Variants in SSBP2 observed in about 807,000 individuals in gnomAD.
SSBP2 encodes the protein single-stranded DNA-binding protein 2.
SSBP2 carries 17 observed loss-of-function variants against 61.8 expected under a neutral mutation model. The observed-to-expected ratio is 0.28, with a 90% CI of 0.19 to 0.41. SSBP2 has a LOEUF of 0.41. Among genes scored for constraint, SSBP2 ranks in the 10% least tolerant of loss-of-function variants. The pLI is 1.00. For missense variants in SSBP2, 310 were observed against 458.7 expected, an observed-to-expected ratio of 0.68 and a Z score of 2.96; for synonymous variants, 139 against 141.3, an observed-to-expected ratio of 0.98 and a Z score of 0.12.
At chr5:81,470,406 A>G (rs1368292663) in intron 8 of SSBP2, among the ~76,000 whole-genome samples, 1 of 151,812 alleles carries the variant, frequency 6.6e-6, no homozygotes. Flanking sequence ...CCACCACTGT[A>G]TTTAGATTTA....
rs1481873175 is a variant in SSBP2 at position 81,416,685 on chromosome 5, A to G, written c.*3819T>C. ...CTTATTTTCATTTGTTGTCTTTTAA[A>G]CCACAGAAGTGCTAACTGAATAACC... On this transcript the variant is annotated 3_prime_UTR_variant, in exon 17 of 17. Coordinates refer to ENST00000320672, the MANE Select transcript of SSBP2 (RefSeq NM_012446.5). 1 of 152,188 alleles carries G rather than the reference A, an allele frequency of 6.6e-6. No individual in the cohort carries two copies. The highest frequency in any genetic ancestry group is 2.4e-5 in the African/African-American group (1 of 41,450). 9.4% of individuals were successfully genotyped at this position (152,188 alleles called of 1,614,324 possible). A position where few individuals can be genotyped will look rare whatever the true frequency, so the allele number is the denominator to read the frequency against.
chr5:81,561,372 G>C (rs1325320903), intron 4 of SSBP2, among the ~76,000 whole-genome samples: 1 of 152,150 alleles, frequency 6.6e-6, no homozygotes, highest in Non-Finnish European at 1.5e-5. Context: ...TCATGGAAGA[G>C]ATGGCAATGC....
chr5:81,525,359 G>T (rs1048412750), intron 4 of SSBP2, among the ~76,000 whole-genome samples: 1 of 151,526 alleles, frequency 6.6e-6, no homozygotes, highest in African/African-American at 2.4e-5. Flanking sequence ...GGAGGCCCCA[G>T]TGTCTGTTGT....
intron 4 of SSBP2, among the ~76,000 whole-genome samples, chr5:81,546,484 T>G (rs1253521604): frequency 6.6e-6 from 1 of 151,378 alleles, no homozygotes. Context: ...AAATTGCTGC[T>G]GCCAGAAGGC....
At chr5:81,526,971 CAAAA>C (rs1264309305) in intron 4 of SSBP2, among the ~76,000 whole-genome samples, 1 of 151,028 alleles carries the variant, frequency 6.6e-6, no homozygotes, top group Non-Finnish European at 1.5e-5. Flanking sequence ...CAACAAAAAA[CAAAA>C]AAACAAAGAA....
intron 1 of SSBP2, among the ~76,000 whole-genome samples, chr5:81,660,966 A>G (rs1276357263): frequency 1.3e-5 from 2 of 149,114 alleles, no homozygotes; most frequent in Non-Finnish European, 3.0e-5. Flanking sequence ...ATGAGAACAC[A>G]TGGACACAGG....
chr5:81,497,902 G>T (rs1767410104), intron 5 of SSBP2, among the ~76,000 whole-genome samples: 1 of 152,004 alleles, frequency 6.6e-6, no homozygotes, highest in Admixed American at 6.6e-5. Flanking sequence ...ATACAATTTT[G>T]GAAGAAAAGT....
intron 1 of SSBP2, among the ~76,000 whole-genome samples, chr5:81,651,181 G>C (rs180977315): frequency 2.2e-4 from 34 of 152,112 alleles, no homozygotes; most frequent in Admixed American, 1.3e-4. Context: ...TGCCCAGATA[G>C]CTCACAACAG....
chr5:81,616,967 A>T (rs1746125439), intron 3 of SSBP2, among the ~76,000 whole-genome samples: 1 of 140,472 alleles, frequency 7.1e-6, no homozygotes, highest in Non-Finnish European at 1.6e-5. Flanking sequence ...ACCATCATCA[A>T]AGACCAAAAG....
chr5:81,634,028 T>C (rs940391420), intron 3 of SSBP2, among the ~76,000 whole-genome samples: 4 of 152,224 alleles, frequency 2.6e-5, no homozygotes, highest in African/African-American at 9.6e-5. Context: ...ACCATCTAAA[T>C]GGACTTCCTC....
chr5:81,521,815 G>T (rs1376940813), intron 4 of SSBP2, among the ~76,000 whole-genome samples: 1 of 151,866 alleles, frequency 6.6e-6, no homozygotes, highest in Admixed American at 6.6e-5. Flanking sequence ...CAAAGATCTG[G>T]TAAACCTCAC....
intron 15 of SSBP2, among the ~76,000 whole-genome samples, chr5:81,434,754 G>A (rs1762569542): frequency 6.7e-6 from 1 of 150,032 alleles, no homozygotes; most frequent in East Asian, 2.0e-4. Context: ...ATAATGAAAT[G>A]ATTCCAGGAA....
At chr5:81,694,506 C>T (rs1428768798) in intron 1 of SSBP2, among the ~76,000 whole-genome samples, 1 of 151,962 alleles carries the variant, frequency 6.6e-6, no homozygotes, top group Non-Finnish European at 1.5e-5. Context: ...CTGACTTTTC[C>T]AGATAAGTCA....
chr5:81,542,853 C>CTCTCTCTCTCTCTCTCTCT (rs1554083509), intron 4 of SSBP2, among the ~76,000 whole-genome samples: 14 of 146,660 alleles, frequency 9.5e-5, no homozygotes, highest in African/African-American at 3.6e-4. Context: ...CTCTCTCTCT[C>CTCTCTCTCTCTCTCTCTCT]CTTTCTTTCT....
At chr5:81,729,492 A>G (rs1301158531) in intron 1 of SSBP2, among the ~76,000 whole-genome samples, 1 of 152,198 alleles carries the variant, frequency 6.6e-6, no homozygotes, top group Non-Finnish European at 1.5e-5. Context: ...GGTATAGAGA[A>G]TAAATGAATG....
At chr5:81,461,592 T>TA (rs11370853) in intron 9 of SSBP2, among the ~76,000 whole-genome samples, 46,906 of 151,134 alleles carry the variant, frequency 0.31, 7,858 homozygotes, top group African/African-American at 0.42. Context: ...AGTTGCCTTT[T>TA]AAAAAAAAAC....
chr5:81,554,035 A>G (rs746595820), intron 4 of SSBP2, among the ~76,000 whole-genome samples: 24 of 152,172 alleles, frequency 1.6e-4, no homozygotes, highest in Non-Finnish European at 3.2e-4. Context: ...AGACTTCCTG[A>G]ATAAATGAGA....
At position 81,415,422 on chromosome 5, in the gene SSBP2, A is replaced by C. The variant is rs1299980120; in HGVS notation, c.*5082T>G. The stretch of plus-strand genomic sequence containing the variant: ...ATACTTCAAATCATCTCGTTTACTT[A>C]TAATACCTAATACAATGTATTATAA... On this transcript the variant is annotated 3_prime_UTR_variant, in exon 17 of 17. Transcript: ENST00000320672. The C allele has an allele frequency of 6.6e-6, 1 of 152,214 alleles. No individual in the cohort carries two copies. 9.4% of individuals were successfully genotyped at this position (152,214 alleles called of 1,614,324 possible).
intron 1 of SSBP2, among the ~76,000 whole-genome samples, chr5:81,704,530 G>A (rs1345030771): frequency 6.6e-6 from 1 of 152,130 alleles, no homozygotes; most frequent in Non-Finnish European, 1.5e-5. Context: ...CAGGCATGGT[G>A]GCTCGGCCTG....
Sources: gnomAD v4.1 joint callset for allele counts (sites outside exome capture counted in the v4.1 genomes callset) on GRCh38, gnomAD v4.1.1 for gene constraint, MANE v1.5 for transcripts, NCBI Gene and HGNC (gene_info 2026-07-23, HGNC 2026-07-21) for gene names.